The following TEK variants were observed in gnomAD, a reference collection of about 807,000 sequenced individuals.
The protein encoded by TEK is angiopoietin-1 receptor.
In TEK, 43 loss-of-function variants were observed where a neutral mutation model predicts 131.8. The observed-to-expected ratio is 0.33, with a 90% CI of 0.26 to 0.42. The LOEUF is 0.42. TEK is among the 10% of genes least tolerant of loss of function. The pLI, the probability that TEK is intolerant of heterozygous loss-of-function variation, is 1.00. For synonymous variants in TEK, 580 were observed against 491.6 expected (o/e 1.18, Z -2.38); for missense variants, 1,162 against 1,384.4 (o/e 0.84, Z 2.55).
chr9:27,145,153 C>T (rs1439983396), intron 1 of TEK, among the ~76,000 whole-genome samples: 1 of 152,184 alleles, frequency 6.6e-6, no homozygotes, highest in Non-Finnish European at 1.5e-5. Flanking sequence ...GCCCCCTGAT[C>T]TCCCCAAGGC....
chr9:27,138,921 G>A (rs1822608619), intron 1 of TEK, among the ~76,000 whole-genome samples: 2 of 152,052 alleles, frequency 1.3e-5, no homozygotes, highest in South Asian at 4.1e-4. Flanking sequence ...TTGAAAGTAG[G>A]ATTCTTAGAT....
intron 21 of TEK, among the ~76,000 whole-genome samples, chr9:27,220,801 C>T (rs1242239376): frequency 6.6e-6 from 1 of 152,226 alleles, no homozygotes; most frequent in Non-Finnish European, 1.5e-5. Context: ...AGGAGATTCC[C>T]TCTGGTGCCT....
Position 27,109,375 on chromosome 9 carries a change from C to CA in TEK, c.-213dup. On this transcript the variant is annotated 5_prime_UTR_variant, in exon 1 of 23. The change abolishes the stop of an existing upstream ORF in the 5' untranslated region. Coordinates refer to ENST00000380036, the MANE Select transcript of TEK (RefSeq NM_000459.5). ...ATACAGCCTTTCCCATCCTAATCTA[C>CA]AAAGGAAACAGGAAAAAGGAACTTA... The CA allele has an allele frequency of 3.2e-6, 2 of 632,244 alleles. No homozygotes were observed. The allele number at this position is 632,244 out of a possible 1,614,324, so 39.2% of individuals were successfully genotyped here.
At chr9:27,130,605 G>T (rs574021333) in intron 1 of TEK, among the ~76,000 whole-genome samples, 1 of 149,240 alleles carries the variant, frequency 6.7e-6, no homozygotes, top group African/African-American at 2.4e-5. Context: ...GAACAAATAT[G>T]GTAAATAAAA....
At chr9:27,180,458 T>C in intron 7 of TEK, 90 bp downstream of exon 7, 2 of 1,527,026 alleles carry the variant, frequency 1.3e-6, no homozygotes, top group South Asian at 2.4e-5. Flanking sequence ...CATTCTAAGA[T>C]CCTCAAGCCT....
intron 11 of TEK, among the ~76,000 whole-genome samples, chr9:27,196,657 G>C (rs73427157): frequency 6.6e-6 from 1 of 152,084 alleles, no homozygotes; most frequent in East Asian, 1.9e-4. Context: ...TCTGCTTTTG[G>C]GGAGGCCTGA....
chr9:27,142,278 A>G (rs1229536731), intron 1 of TEK, among the ~76,000 whole-genome samples: 1 of 152,236 alleles, frequency 6.6e-6, no homozygotes, highest in Admixed American at 6.5e-5. Context: ...CGATACAATG[A>G]GAGAAAGAGT....
intron 1 of TEK, among the ~76,000 whole-genome samples, chr9:27,123,446 C>G (rs558124470): frequency 6.6e-6 from 1 of 152,030 alleles, no homozygotes; most frequent in Non-Finnish European, 1.5e-5. Flanking sequence ...CTGAATTAGG[C>G]GATATTTTAG....
chr9:27,202,326 A>T (rs1587007320), intron 12 of TEK, among the ~76,000 whole-genome samples: 1 of 152,366 alleles, frequency 6.6e-6, no homozygotes, highest in South Asian at 2.1e-4. Context: ...ACTATGGACT[A>T]CAGAGCCAGA....
chr9:27,112,747 A>C (rs1821394952), intron 1 of TEK, among the ~76,000 whole-genome samples: 1 of 152,222 alleles, frequency 6.6e-6, no homozygotes, highest in South Asian at 2.1e-4. Flanking sequence ...ATCAGGATTT[A>C]AATAGATTGT....
intron 1 of TEK, among the ~76,000 whole-genome samples, chr9:27,150,949 A>G (rs1823106723): frequency 6.6e-6 from 1 of 152,182 alleles, no homozygotes; most frequent in Non-Finnish European, 1.5e-5. Flanking sequence ...AGGGATGGGA[A>G]ACGGGCATGG....
At chr9:27,210,050 A>G (rs1266583478) in intron 16 of TEK, among the ~76,000 whole-genome samples, 1 of 152,238 alleles carries the variant, frequency 6.6e-6, no homozygotes, top group Non-Finnish European at 1.5e-5. Context: ...AAACACCAAC[A>G]ATAGAAAAGA....
Position 27,173,331 on chromosome 9 carries a change from C to G in TEK, c.870C>G (p.Ala290=), listed in dbSNP as rs771630297. 6.2e-7 allele frequency: 1 copy of G among 1,614,004 alleles called. No individual in the cohort carries two copies. Among genetic ancestry groups the G allele is most frequent in the East Asian group, 2.2e-5 (1 of 44,878 alleles). The change falls in exon 6 of 23, where the codon GCC becomes GCG. Residue 290 remains alanine (A), a synonymous_variant. Transcript: ENST00000380036. ...CTGACCCCTATGGGTGTTCCTGTGC[C>G]ACAGGCTGGAAGGGTCTGCAGTGCA... ...CLPDPYGCSC[A]TGWKGLQCNE...
chr9:27,145,411 G>T (rs971874268), intron 1 of TEK, among the ~76,000 whole-genome samples: 3 of 152,178 alleles, frequency 2.0e-5, no homozygotes, highest in African/African-American at 7.2e-5. Context: ...CCTTCTAAGG[G>T]TGTCTTAGCT....
intron 13 of TEK, among the ~76,000 whole-genome samples, chr9:27,203,709 G>A (rs559375387): frequency 1.2e-4 from 18 of 152,352 alleles, no homozygotes; most frequent in African/African-American, 3.8e-4. Flanking sequence ...GGGTGGAGCT[G>A]CAGCAGGAGG....
intron 7 of TEK, among the ~76,000 whole-genome samples, chr9:27,181,934 A>C (rs1231326839): frequency 6.6e-6 from 1 of 152,120 alleles, no homozygotes; most frequent in Non-Finnish European, 1.5e-5. Context: ...TTTGGAAATC[A>C]GAACAAATAT....
chr9:27,183,621 T>G lies in TEK; in HGVS notation c.1182+11T>G, dbSNP rs768476958. On this transcript the variant is annotated intron_variant, in intron 8 of 22. Coordinates refer to ENST00000380036, the MANE Select transcript of TEK (RefSeq NM_000459.5). ...GGGACAGTGCTCCATGTAAGAGCCA[T>G]TCTTAATTTGCCCTTCTTAAAGCAT... is the stretch of plus-strand genomic sequence containing the variant. 7.4e-6 allele frequency: 12 copies of G among 1,613,586 alleles called. No homozygotes were observed. Among genetic ancestry groups the G allele is most frequent in the Non-Finnish European group, 9.3e-6 (11 of 1,179,712 alleles).
chr9:27,219,745 ATTGGTAT>A (rs1564107876), intron 20 of TEK, among the ~76,000 whole-genome samples: 6 of 138,540 alleles, frequency 4.3e-5, no homozygotes, highest in African/African-American at 5.6e-5. Flanking sequence ...GGTTAATCTT[ATTGGTAT>A]AATAAAGGTT....
intron 6 of TEK, among the ~76,000 whole-genome samples, chr9:27,176,292 A>G (rs770767766): frequency 1.3e-5 from 2 of 152,222 alleles, no homozygotes; most frequent in Non-Finnish European, 2.9e-5. Flanking sequence ...TAGTGGGGAC[A>G]ATAAAGAGAA....
Sources: gnomAD v4.1 joint callset for allele counts (sites outside exome capture counted in the v4.1 genomes callset) on GRCh38, gnomAD v4.1.1 for gene constraint, MANE v1.5 for transcripts, NCBI Gene and HGNC (gene_info 2026-07-23, HGNC 2026-07-21) for gene names.